GNG4: variants seen among roughly 807,000 people sequenced by gnomAD.
GNG4 encodes guanine nucleotide-binding protein G(I)/G(S)/G(O) subunit gamma-4.
A neutral mutation model predicts 5.8 loss-of-function variants in GNG4; 4 were observed. The observed-to-expected ratio is 0.69, with a 90% CI of 0.34 to 1.57. The LOEUF (loss-of-function observed/expected upper bound fraction) is 1.57. Ranked by LOEUF, GNG4 falls within the 40% of genes most tolerant of loss-of-function variation. The pLI is 0.06. For missense variants in GNG4, 96 were observed against 95.1 expected, an observed-to-expected ratio of 1.01 and a Z score of -0.04; for synonymous variants, 29 against 32.9, an observed-to-expected ratio of 0.88 and a Z score of 0.41.
chr1:235,567,272 AAT>A (rs985669992), intron 3 of GNG4, among the ~76,000 whole-genome samples: 21 of 152,282 alleles, frequency 1.4e-4, no homozygotes, highest in African/African-American at 4.6e-4. Flanking sequence ...TGTTTATACA[AAT>A]ATATGTGTAC....
At chr1:235,569,602 T>C (rs1347741640) in intron 3 of GNG4, among the ~76,000 whole-genome samples, 1 of 151,984 alleles carries the variant, frequency 6.6e-6, no homozygotes, top group East Asian at 1.9e-4. Context: ...CGATCTTGGC[T>C]CACTAGATTC....
intron 3 of GNG4, chr1:235,566,307 AC>A (rs1227913096): frequency 6.4e-6 from 1 of 156,896 alleles, no homozygotes; most frequent in Non-Finnish European, 1.4e-5. Flanking sequence ...AGTGAGCATT[AC>A]CGCCTGAGCT....
chr1:235,587,425 T>A (rs1202980088), intron 2 of GNG4, among the ~76,000 whole-genome samples: 2 of 46,116 alleles, frequency 4.3e-5, no homozygotes, highest in African/African-American at 9.7e-5. Context: ...TGGGGGTGTG[T>A]GTGTGAGGGT....
At chr1:235,626,263 ATTTTG>A (rs1688807559) in intron 1 of GNG4, among the ~76,000 whole-genome samples, 1 of 151,820 alleles carries the variant, frequency 6.6e-6, no homozygotes, top group African/African-American at 2.4e-5. Flanking sequence ...CTTTAATAGG[ATTTTG>A]TTTTGTTTTG....
intron 3 of GNG4, among the ~76,000 whole-genome samples, chr1:235,568,597 G>C (rs923440722): frequency 1.3e-5 from 2 of 152,106 alleles, no homozygotes; most frequent in Admixed American, 6.5e-5. Flanking sequence ...ATGGCCACTT[G>C]GTTGGGTAGA....
intron 3 of GNG4, among the ~76,000 whole-genome samples, chr1:235,560,400 C>T (rs1687027055): frequency 6.6e-6 from 1 of 152,110 alleles, no homozygotes; most frequent in South Asian, 2.1e-4. Flanking sequence ...CTGCCTCTCT[C>T]CTTGCCCTTC....
rs746454895 is a variant in GNG4, at chr1:235,589,510, T to C, written c.-10-5662A>G. Among the ~76,000 whole-genome samples the C allele has an allele frequency of 2.6e-5, 4 of 152,182 alleles. 1 individual carries two copies. Among genetic ancestry groups the C allele is most frequent in the South Asian group, 4.1e-4 (2 of 4,828 alleles). ...AGTAAAACTACATTTCACCTGCTTATGGCCCCACGAGTGTTCCTTCAGCTA... is the reference window on the plus strand; with the variant it reads ...AGTAAAACTACATTTCACCTGCTTACGGCCCCACGAGTGTTCCTTCAGCTA... On this transcript the variant is annotated intron_variant, in intron 2 of 3. Coordinates refer to ENST00000391854, the MANE Select transcript of GNG4 (RefSeq NM_001098722.2).
At chr1:235,574,659 C>T (rs1687430623) in intron 3 of GNG4, among the ~76,000 whole-genome samples, 1 of 152,086 alleles carries the variant, frequency 6.6e-6, no homozygotes, top group African/African-American at 2.4e-5. Flanking sequence ...CTTTTGTGTC[C>T]TTGCATTTCC....
chr1:235,587,629 G>GT (rs1687838563), intron 2 of GNG4, among the ~76,000 whole-genome samples: 1 of 77,922 alleles, frequency 1.3e-5, no homozygotes, highest in Non-Finnish European at 2.6e-5. Context: ...GTGAATGTGG[G>GT]GTGGAGTGTG....
intron 1 of GNG4, among the ~76,000 whole-genome samples, chr1:235,600,286 T>C (rs971980484): frequency 6.6e-6 from 1 of 151,868 alleles, no homozygotes; most frequent in Non-Finnish European, 1.5e-5. Context: ...AGCTAATTTT[T>C]ATATTTTTAG....
intron 3 of GNG4, among the ~76,000 whole-genome samples, chr1:235,556,765 A>G (rs1479324002): frequency 6.6e-6 from 1 of 152,004 alleles, no homozygotes; most frequent in Non-Finnish European, 1.5e-5. Flanking sequence ...ATTGTAATAC[A>G]TAATGAAATA....
intron 3 of GNG4, among the ~76,000 whole-genome samples, chr1:235,580,705 T>A (rs1174861636): frequency 6.6e-6 from 1 of 151,542 alleles, no homozygotes. Context: ...CACGTTTCCA[T>A]TATGGTCAGC....
intron 2 of GNG4, among the ~76,000 whole-genome samples, chr1:235,585,132 T>C (rs1687728080): frequency 6.6e-6 from 1 of 151,032 alleles, no homozygotes; most frequent in Non-Finnish European, 1.5e-5. Flanking sequence ...CTCCTTCCCT[T>C]CCTCCCTCCC....
At chr1:235,605,566 G>A (rs138802314) in intron 1 of GNG4, among the ~76,000 whole-genome samples, 99 of 152,278 alleles carry the variant, frequency 6.5e-4, no homozygotes, top group African/African-American at 2.3e-3. Context: ...GTCAGTAAAG[G>A]GTAGAGGGGC....
Position 235,644,697 on chromosome 1 carries a change from G to A in GNG4, c.-123+4965C>T, listed in dbSNP as rs778862035. ...AGATTGCTGAAGGAAAACTAAAACCGAATGAGGACTGACTCATGCTCGTTT... is the reference window on the plus strand; with the variant it reads ...AGATTGCTGAAGGAAAACTAAAACCAAATGAGGACTGACTCATGCTCGTTT... On this transcript the variant is annotated intron_variant, in intron 1 of 3. Transcript: ENST00000391854. The surrounding 1 kb of genome is among the most constrained non-coding windows in gnomAD (Gnocchi z 5.9). 6.6e-6 allele frequency among the ~76,000 whole-genome samples: 1 copy of A among 152,196 alleles called. No individual in the cohort carries two copies. The highest frequency in any genetic ancestry group is 1.5e-5 in the Non-Finnish European group (1 of 68,032).
In GNG4 at chr1:235,583,365, T is replaced by A. The variant is rs190293278; in HGVS notation, c.99+375A>T. On this transcript the variant is annotated intron_variant, in intron 3 of 3. Transcript: ENST00000391854. The stretch of plus-strand genomic sequence containing the variant: ...TTCAGAGCTCCACCCTCAACAATAA[T>A]CCTGTCAAAATATCCGATGTTGTTG... Among the ~76,000 whole-genome samples the A allele has an allele frequency of 1.2e-3, 188 of 152,270 alleles. 1 individual carries two copies. The highest frequency in any genetic ancestry group is 2.2e-3 in the Non-Finnish European group (148 of 68,012).
chr1:235,553,036 G>A (rs961995268), intron 3 of GNG4, among the ~76,000 whole-genome samples: 2 of 148,770 alleles, frequency 1.3e-5, no homozygotes, highest in Non-Finnish European at 3.0e-5. Context: ...TGGGATTACA[G>A]GCATGAGCCA....
intron 1 of GNG4, among the ~76,000 whole-genome samples, chr1:235,606,521 G>T (rs543237273): frequency 3.3e-5 from 5 of 152,128 alleles, no homozygotes; most frequent in Middle Eastern, 6.8e-3. Flanking sequence ...TGCTGGGGAG[G>T]GGGGAAAGGA....
chr1:235,596,228 A>G (rs1451716783), intron 1 of GNG4, among the ~76,000 whole-genome samples: 10 of 145,176 alleles, frequency 6.9e-5, no homozygotes, highest in Non-Finnish European at 1.2e-4. Flanking sequence ...ACACACACAC[A>G]CACACACACA....
Sources: allele counts gnomAD v4.1 joint callset (sites outside exome capture counted in the v4.1 genomes callset), GRCh38; gene constraint gnomAD v4.1.1; non-coding constraint Gnocchi (gnomAD v3.1); transcripts MANE v1.5; gene names NCBI Gene and HGNC (gene_info 2026-07-23, HGNC 2026-07-21).